PTK2: variants seen among roughly 807,000 people sequenced by gnomAD.
PTK2 encodes the protein protein tyrosine kinase 2.
A neutral mutation model predicts 150.1 loss-of-function variants in PTK2; 45 were observed. The ratio of observed to expected loss-of-function variants is 0.30; its 90% CI spans 0.24 to 0.38. The LOEUF (loss-of-function observed/expected upper bound fraction) is 0.38. PTK2 is among the 10% of genes least tolerant of loss of function. The probability of loss-of-function intolerance (pLI) is 1.00; values close to 1 mark genes in which losing one functional copy is unlikely to be tolerated. For missense variants in PTK2, 919 were observed against 1,307.3 expected (o/e 0.70, Z 4.58); for synonymous variants, 432 against 449.2 (o/e 0.96, Z 0.48).
chr8:140,893,056 A>G (rs984713863), intron 2 of PTK2, among the ~76,000 whole-genome samples: 16 of 152,228 alleles, frequency 1.1e-4, no homozygotes, highest in African/African-American at 3.6e-4. Flanking sequence ...GGCTGGGCAT[A>G]GTGGCTCATG....
At chr8:140,952,785 G>C (rs2100179946) in intron 1 of PTK2, among the ~76,000 whole-genome samples, 1 of 152,038 alleles carries the variant, frequency 6.6e-6, no homozygotes, top group South Asian at 2.1e-4. Flanking sequence ...GCAATCTTTG[G>C]AAACAAGACA....
At chr8:140,911,061 T>G (rs1343838687) in intron 2 of PTK2, among the ~76,000 whole-genome samples, 5 of 151,786 alleles carry the variant, frequency 3.3e-5, no homozygotes, top group Admixed American at 6.6e-5. Flanking sequence ...TTTTTTTTTT[T>G]TGTATTTTTT....
At chr8:140,723,510 A>C (rs1025061275) in intron 22 of PTK2, among the ~76,000 whole-genome samples, 3 of 152,220 alleles carry the variant, frequency 2.0e-5, no homozygotes, top group Non-Finnish European at 4.4e-5. Flanking sequence ...ACAGTACTGA[A>C]CTTTTCTCTT....
Position 140,942,420 on chromosome 8 carries a change from A to T in PTK2, c.-121-16671T>A, listed in dbSNP as rs542611371. Among the ~76,000 whole-genome samples, 40 of 152,342 alleles carry T rather than the reference A, an allele frequency of 2.6e-4. 1 individual carries two copies. In the South Asian group the frequency reaches 8.3e-3, roughly 32 times the overall value. ...TTCTGCTAATTATATGACCTTTATA[A>T]TATACAATCTCATTATACAAAGACA... On this transcript the variant is annotated intron_variant, in intron 1 of 31. Transcript: ENST00000522684.
At chr8:140,678,702 C>T (rs2100015236) in intron 27 of PTK2, among the ~76,000 whole-genome samples, 1 of 152,054 alleles carries the variant, frequency 6.6e-6, no homozygotes, top group Non-Finnish European at 1.5e-5. Context: ...GAAAGTGATC[C>T]CTGAAAGGGA....
intron 26 of PTK2, among the ~76,000 whole-genome samples, chr8:140,695,665 G>A (rs2100026103): frequency 6.6e-6 from 1 of 152,150 alleles, no homozygotes; most frequent in African/African-American, 2.4e-5. Flanking sequence ...GCCTCCCAAA[G>A]TACTGGGATT....
intron 1 of PTK2, among the ~76,000 whole-genome samples, chr8:140,980,752 CTTT>C (rs565678002): frequency 2.9e-5 from 4 of 138,932 alleles, no homozygotes; most frequent in Admixed American, 7.3e-5. Context: ...GGCTCTAAAG[CTTT>C]TTTTTTTTTT....
intron 18 of PTK2, 36 bp from the exon 22 acceptor site, chr8:140,744,803 A>C: frequency 7.7e-7 from 1 of 1,293,730 alleles, no homozygotes; most frequent in Non-Finnish European, 1.1e-6. Flanking sequence ...AAAAAAAAAA[A>C]AAGAATTAGT....
In PTK2 at chr8:140,706,185, G is replaced by A. The variant is rs10100025; in HGVS notation, c.2163C>T (p.Pro721=). 42,326 of 1,613,054 alleles carry A rather than the reference G, an allele frequency of 0.026. 6,332 individuals carry two copies. In the African/African-American group the frequency reaches 0.4, roughly 15 times the overall value. The stretch of plus-strand genomic sequence containing the variant: ...AAAATCCTTCGCTGGACCTCGGACT[G>A]GGATAACCCGGTCTGCTGGGCTGTA... Residue 721 remains proline (P), a synonymous_variant, in exon 24 of 32, where the codon CCC becomes CCT. Transcript: ENST00000522684.
chr8:140,812,076 C>A (rs756722014), intron 10 of PTK2, among the ~76,000 whole-genome samples: 1 of 151,896 alleles, frequency 6.6e-6, no homozygotes, highest in Non-Finnish European at 1.5e-5. Context: ...AGATACTACA[C>A]GAGAAGATCA....
intron 1 of PTK2, among the ~76,000 whole-genome samples, chr8:140,935,927 G>A (rs1202218555): frequency 6.6e-6 from 1 of 152,084 alleles, no homozygotes; most frequent in African/African-American, 2.4e-5. Flanking sequence ...GATTACAGGT[G>A]TAAGCCACCA....
chr8:140,887,611 G>T (rs966440300), intron 3 of PTK2, among the ~76,000 whole-genome samples: 4 of 152,064 alleles, frequency 2.6e-5, no homozygotes, highest in Non-Finnish European at 4.4e-5. Context: ...GTCTTTCTGA[G>T]AATTTGCTTT....
intron 7 of PTK2, among the ~76,000 whole-genome samples, chr8:140,833,479 T>C (rs889467019): frequency 4.6e-5 from 7 of 152,324 alleles, no homozygotes; most frequent in African/African-American, 1.4e-4. Context: ...CTATTATAGA[T>C]ATCTAAATTT....
chr8:140,951,441 A>T (rs2100179513), intron 1 of PTK2, among the ~76,000 whole-genome samples: 1 of 152,216 alleles, frequency 6.6e-6, no homozygotes, highest in Admixed American at 6.5e-5. Flanking sequence ...AGCCAGACTT[A>T]CACATATGGA....
intron 7 of PTK2, among the ~76,000 whole-genome samples, chr8:140,832,261 G>A (rs1027854869): frequency 6.6e-6 from 1 of 152,236 alleles, no homozygotes; most frequent in South Asian, 2.1e-4. Flanking sequence ...CACCATGTTG[G>A]CCAGGCTGGT....
chr8:140,992,669 C>T (rs2100196191), intron 1 of PTK2, among the ~76,000 whole-genome samples: 1 of 152,146 alleles, frequency 6.6e-6, no homozygotes, highest in Non-Finnish European at 1.5e-5. Flanking sequence ...GAATGAGTTA[C>T]CCCCTCACAC....
chr8:140,738,352 G>A (rs1451957127), intron 21 of PTK2, among the ~76,000 whole-genome samples: 1 of 152,078 alleles, frequency 6.6e-6, no homozygotes, highest in Non-Finnish European at 1.5e-5. Context: ...TGCCATTCAT[G>A]TTAAAAATAG....
rs973840847 is a variant in PTK2 at position 140,982,695 on chromosome 8, C to A, written c.-122+18430G>T. Reference sequence around the variant, plus strand: ...CAGCAGAGCTATATTCAATTCCTTCCCTATCTTTTTTAAAGAAATGCATCA... The same window carrying A: ...CAGCAGAGCTATATTCAATTCCTTCACTATCTTTTTTAAAGAAATGCATCA... On this transcript the variant is annotated intron_variant, in intron 1 of 31. Coordinates refer to ENST00000522684, the Ensembl canonical transcript of PTK2. Among the ~76,000 whole-genome samples, 7 of 152,314 alleles carry A rather than the reference C, an allele frequency of 4.6e-5. 1 individual carries two copies. The Middle Eastern group carries it at 0.014, about 296-fold the overall frequency.
intron 2 of PTK2, chr8:140,892,555 C>A: frequency 2.3e-6 from 1 of 433,328 alleles, no homozygotes; most frequent in Admixed American, 2.9e-5. Context: ...ATCTGTCCAG[C>A]AAAGAAAAGA....
Sources: gnomAD v4.1 joint callset for allele counts (sites outside exome capture counted in the v4.1 genomes callset) on GRCh38, gnomAD v4.1.1 for gene constraint, MANE v1.5 for transcripts, NCBI Gene and HGNC (gene_info 2026-07-23, HGNC 2026-07-21) for gene names.